Variants in KCNQ1 observed in about 807,000 individuals in gnomAD.
KCNQ1 encodes potassium voltage-gated channel subfamily Q member 1.
KCNQ1 carries 49 observed loss-of-function variants against 72.4 expected under a neutral mutation model. The observed-to-expected ratio is 0.68, with a 90% CI of 0.54 to 0.86. The LOEUF is 0.86. Among genes scored for constraint, KCNQ1 ranks in the 40% least tolerant of loss-of-function variants. The pLI is 0.00. For synonymous variants in KCNQ1, 450 were observed against 412.6 expected, an observed-to-expected ratio of 1.09 and a Z score of -1.10; for missense variants, 790 against 945.1, an observed-to-expected ratio of 0.84 and a Z score of 2.15.
At chr11:2,572,464 G>A (rs1848351828) in intron 5 of KCNQ1, among the ~76,000 whole-genome samples, 1 of 152,242 alleles carries the variant, frequency 6.6e-6, no homozygotes, top group Middle Eastern at 3.2e-3. Flanking sequence ...GCTGCACTCA[G>A]ATGGGTTCAG....
In KCNQ1 at chr11:2,450,059, A is replaced by G. The variant is rs1846101162; in HGVS notation, c.386+4575A>G. Among the ~76,000 whole-genome samples the G allele has an allele frequency of 6.6e-6, 1 of 152,158 alleles. No homozygotes were observed. The highest frequency in any genetic ancestry group is 1.5e-5 in the Non-Finnish European group (1 of 68,000). On this transcript the variant is annotated intron_variant, in intron 1 of 15. Coordinates refer to ENST00000155840, the MANE Select transcript of KCNQ1 (RefSeq NM_000218.3). This position sits in a 1 kb window ranked among gnomAD's most constrained non-coding sequence, Gnocchi z 7.9. ...CCTGAGCCCCTGCTCGGCCCTAGGC[A>G]GGGCCCCCAGTTCCCTGCATTCCAC... is the stretch of plus-strand genomic sequence containing the variant.
Position 2,721,856 on chromosome 11 carries a change from T to C in KCNQ1, c.1515-46988T>C, listed in dbSNP as rs549679948. Among the ~76,000 whole-genome samples the C allele has an allele frequency of 1.3e-3, 204 of 152,332 alleles. 2 individuals are homozygous for C. The highest frequency in any genetic ancestry group is 2.2e-3 in the Non-Finnish European group (152 of 68,010). On this transcript the variant is annotated intron_variant, in intron 11 of 15. Transcript: ENST00000155840. Reference sequence around the variant, plus strand: ...ATCCATCCATCTGTCCCTTGGCCCCTTTAAGAGGCCTTGTCCCCTTTGCCA... The same window carrying C: ...ATCCATCCATCTGTCCCTTGGCCCCCTTAAGAGGCCTTGTCCCCTTTGCCA...
At chr11:2,609,938 A>G (rs1224992204) in intron 10 of KCNQ1, 1 of 397,896 alleles carries the variant, frequency 2.5e-6, no homozygotes, top group Non-Finnish European at 4.4e-6. Context: ...TGGAATACAG[A>G]TGGATCCTGT....
Position 2,833,453 on chromosome 11 carries a change from G to A in KCNQ1, c.1795-14314G>A, listed in dbSNP as rs368904980. On this transcript the variant is annotated intron_variant, in intron 15 of 15. Transcript: ENST00000155840. ...AGATGTGAGGGAGTCTCAGCCTTAG[G>A]GTGGGCACCTGGGCGCAGCTGTCAG... Among the ~76,000 whole-genome samples the A allele has an allele frequency of 1.5e-4, 23 of 152,326 alleles. No homozygotes were observed. In the South Asian group the frequency reaches 4.6e-3, roughly 30 times the overall value.
chr11:2,699,614 A>AGAGAACCGCGCCGAAGAACCCCCAGG (rs1850747312), intron 11 of KCNQ1: 2 of 231,570 alleles, frequency 8.6e-6, no homozygotes, highest in Middle Eastern at 8.7e-4. Flanking sequence ...AGGCCCCCGG[A>AGAGAACCGCGCCGAAGAACCCCCAGG]GAGAACCGCG....
At position 2,661,768 on chromosome 11, in the gene KCNQ1, G is replaced by T. The variant is rs1590014641; in HGVS notation, c.1394-193G>T. The stretch of plus-strand genomic sequence containing the variant: ...GCCTTTATTCTCCTCAGACACTGAG[G>T]TGTCAGGCACTTTGGGGCCATCTTA... On this transcript the variant is annotated intron_variant, in intron 10 of 15. Transcript: ENST00000155840. This position sits in a 1 kb window ranked among gnomAD's most constrained non-coding sequence, Gnocchi z 5.9. The T allele has an allele frequency of 4.6e-6, 3 of 655,190 alleles. No homozygotes were observed. The highest frequency in any genetic ancestry group is 5.4e-5 in the East Asian group (2 of 36,838). The allele number at this position is 655,190 out of a possible 1,614,324, so 40.6% of individuals were successfully genotyped here. A position where few individuals can be genotyped will look rare whatever the true frequency, so the allele number is the denominator to read the frequency against.
intron 11 of KCNQ1, among the ~76,000 whole-genome samples, chr11:2,761,418 C>T (rs548566): frequency 0.83 from 126,799 of 152,032 alleles, 53,057 homozygotes; most frequent in African/African-American, 0.9. Flanking sequence ...GTCTCGAGAT[C>T]TTTATAGGCA....
chr11:2,668,325 GT>G lies in KCNQ1; in HGVS notation c.1514+6245del, dbSNP rs1476976573. On this transcript the variant is annotated intron_variant, in intron 11 of 15. Transcript: ENST00000155840. This position sits in a 1 kb window ranked among gnomAD's most constrained non-coding sequence, Gnocchi z 4.3. ...GCGTTTCTGGGGAATATATGCCTAT[GT>G]GTGGAGCTGCAGGGTCCTGGGTGGG... 1 of 398,512 alleles carries G rather than the reference GT, an allele frequency of 2.5e-6. No homozygotes were observed. Among genetic ancestry groups the G allele is most frequent in the African/African-American group, 2.1e-5 (1 of 48,618 alleles). 24.7% of individuals were successfully genotyped at this position (398,512 alleles called of 1,614,324 possible).
At position 2,691,226 on chromosome 11, in the gene KCNQ1, G is replaced by C. The variant is rs1036227265; in HGVS notation, c.1514+29145G>C. 1 of 398,514 alleles carries C rather than the reference G, an allele frequency of 2.5e-6. No individual in the cohort carries two copies. Among genetic ancestry groups the C allele is most frequent in the Non-Finnish European group, 4.4e-6 (1 of 226,110 alleles). 24.7% of individuals were successfully genotyped at this position (398,514 alleles called of 1,614,324 possible). ...AAATTAGCAAGTGGAGGAGTTAGAG[G>C]ATCTGCAGTTAACCCCTTGAGTCTC... On this transcript the variant is annotated intron_variant, in intron 11 of 15. Transcript: ENST00000155840. This position sits in a 1 kb window ranked among gnomAD's most constrained non-coding sequence, Gnocchi z 6.4.
Position 2,544,575 on chromosome 11 carries a change from G to A in KCNQ1, c.477+16557G>A, listed in dbSNP as rs7126270. On this transcript the variant is annotated intron_variant, in intron 2 of 15. Coordinates refer to ENST00000155840, the MANE Select transcript of KCNQ1 (RefSeq NM_000218.3). The surrounding 1 kb of genome is among the most constrained non-coding windows in gnomAD (Gnocchi z 4.4). ...GTATAGGTCTTGTACATCTTTTGAG[G>A]TACCTAAGTGTTTCATATTTTTTAT... Among the ~76,000 whole-genome samples, 68,928 of 150,728 alleles carry A rather than the reference G, an allele frequency of 0.46. 18,183 individuals are homozygous for A. Among genetic ancestry groups the A allele is most frequent in the African/African-American group, 0.72 (29,842 of 41,364 alleles).
intron 11 of KCNQ1, chr11:2,692,361 A>G: frequency 2.5e-6 from 1 of 398,910 alleles, no homozygotes; most frequent in Non-Finnish European, 4.4e-6. Flanking sequence ...GGCATCTCCT[A>G]ACTGGCATTC....
chr11:2,551,242 G>C (rs571521723), intron 2 of KCNQ1, among the ~76,000 whole-genome samples: 1 of 152,108 alleles, frequency 6.6e-6, no homozygotes, highest in Non-Finnish European at 1.5e-5. Flanking sequence ...CCCATCACCC[G>C]AAAGCTCCCT....
Position 2,651,755 on chromosome 11 carries a change from A to C in KCNQ1, c.1394-10206A>C. 1 of 398,622 alleles carries C rather than the reference A, an allele frequency of 2.5e-6. No individual in the cohort carries two copies. The highest frequency in any genetic ancestry group is 2.1e-5 in the African/African-American group (1 of 48,730). The allele number at this position is 398,622 out of a possible 1,614,324, so 24.7% of individuals were successfully genotyped here. ...TATACGTTTTCTCTGATTACTGGAAATTCCTCAAGTGTTGACCATTTTGAT... is the reference window on the plus strand; with the variant it reads ...TATACGTTTTCTCTGATTACTGGAACTTCCTCAAGTGTTGACCATTTTGAT... On this transcript the variant is annotated intron_variant, in intron 10 of 15. Transcript: ENST00000155840. This position sits in a 1 kb window ranked among gnomAD's most constrained non-coding sequence, Gnocchi z 6.1.
At chr11:2,763,601 G>A (rs231875) in intron 11 of KCNQ1, among the ~76,000 whole-genome samples, 131,835 of 152,256 alleles carry the variant, frequency 0.87, 57,292 homozygotes, top group East Asian at 0.94. Flanking sequence ...TATTTTAAAG[G>A]CAGGGTCTCT....
rs1377041108 is a variant in KCNQ1 at position 2,777,716 on chromosome 11, G to A, written c.1733-260G>A. ...GCTGGCAGTGTGGCCAGCTTAGGCA[G>A]CCCCCTAGGGCTCTCAGAGGTCAGA... On this transcript the variant is annotated intron_variant, in intron 14 of 15. Transcript: ENST00000155840. 24 of 603,262 alleles carry A rather than the reference G, an allele frequency of 4.0e-5. No homozygotes were observed. The East Asian group carries it at 5.5e-4, about 14-fold the overall frequency. 37.4% of individuals were successfully genotyped at this position (603,262 alleles called of 1,614,324 possible). A position where few individuals can be genotyped will look rare whatever the true frequency, so the allele number is the denominator to read the frequency against.
chr11:2,589,034 A>T (rs1348869878), intron 10 of KCNQ1, among the ~76,000 whole-genome samples, 180 bp downstream of exon 10: 23 of 152,078 alleles, frequency 1.5e-4, no homozygotes. Context: ...TTCCCCTCAG[A>T]GTCTTCCCAA....
At position 2,783,858 on chromosome 11, in the gene KCNQ1, T is replaced by C. The variant is rs1655214953; in HGVS notation, c.1794+5821T>C. Among the ~76,000 whole-genome samples, 1 of 152,088 alleles carries C rather than the reference T, an allele frequency of 6.6e-6. No individual in the cohort carries two copies. The highest frequency in any genetic ancestry group is 2.4e-5 in the African/African-American group (1 of 41,454). On this transcript the variant is annotated intron_variant, in intron 15 of 15. Coordinates refer to ENST00000155840, the MANE Select transcript of KCNQ1 (RefSeq NM_000218.3). The surrounding 1 kb of genome is among the most constrained non-coding windows in gnomAD (Gnocchi z 5.2). ...TCTAATTAAGTAGTCTGTTCTATTA[T>C]TGAGTTGCAAGGGTTTTTTATATGT...
chr11:2,817,131 C>T lies in KCNQ1; in HGVS notation c.1795-30636C>T, dbSNP rs371784197. On this transcript the variant is annotated intron_variant, in intron 15 of 15. Coordinates refer to ENST00000155840, the MANE Select transcript of KCNQ1 (RefSeq NM_000218.3). The surrounding 1 kb of genome is among the most constrained non-coding windows in gnomAD (Gnocchi z 6.1). ...CAGGCCTGTGGCGCCAGCCTGCACC[C>T]GGCTCTGCTCCACAGGCCAACTCTG... 1.4e-3 allele frequency among the ~76,000 whole-genome samples: 210 copies of T among 152,276 alleles called. No homozygotes were observed. The highest frequency in any genetic ancestry group is 2.3e-3 in the Non-Finnish European group (157 of 68,014).
rs1429748994 is a variant in KCNQ1, at chr11:2,627,729, G to T, written c.1394-34232G>T. The T allele has an allele frequency of 2.5e-6, 1 of 397,996 alleles. No homozygotes were observed. The highest frequency in any genetic ancestry group is 2.1e-5 in the African/African-American group (1 of 48,442). The allele number at this position is 397,996 out of a possible 1,614,324, so 24.7% of individuals were successfully genotyped here. ...ATGTGATGTGTTTATTTGGGAATTTGGTGATACACACACACACACTATTTT... is the reference window on the plus strand; with the variant it reads ...ATGTGATGTGTTTATTTGGGAATTTTGTGATACACACACACACACTATTTT... On this transcript the variant is annotated intron_variant, in intron 10 of 15. Transcript: ENST00000155840. The surrounding 1 kb of genome is among the most constrained non-coding windows in gnomAD (Gnocchi z 4.9).
Sources: allele counts gnomAD v4.1 joint callset (sites outside exome capture counted in the v4.1 genomes callset), GRCh38; gene constraint gnomAD v4.1.1; non-coding constraint Gnocchi (gnomAD v3.1); transcripts MANE v1.5; gene names NCBI Gene and HGNC (gene_info 2026-07-23, HGNC 2026-07-21).